Variants in ITPR2 observed in about 807,000 individuals in gnomAD.
ITPR2 encodes inositol 1,4,5-trisphosphate receptor type 2.
Under a neutral mutation model 317.1 loss-of-function variants are expected in ITPR2, and 207 were observed. The observed-to-expected ratio is 0.65, with a 90% CI of 0.58 to 0.73. The LOEUF is 0.73. Among genes scored for constraint, ITPR2 ranks in the 30% least tolerant of loss-of-function variants. The probability of loss-of-function intolerance (pLI) is 0.00; values close to 1 mark genes in which losing one functional copy is unlikely to be tolerated. For synonymous variants in ITPR2, 1,156 were observed against 1,149.1 expected (o/e 1.01, Z -0.12); for missense variants, 2,613 against 3,284.0 (o/e 0.80, Z 4.99).
At chr12:26,568,027 TATATAA>T (rs1380056539) in intron 34 of ITPR2, among the ~76,000 whole-genome samples, 2 of 127,162 alleles carry the variant, frequency 1.6e-5, no homozygotes, top group African/African-American at 6.2e-5. Flanking sequence ...TATATATATA[TATATAA>T]AATGTCAAAA....
chr12:26,684,146 C>T (rs929035208), intron 11 of ITPR2, among the ~76,000 whole-genome samples: 1 of 152,228 alleles, frequency 6.6e-6, no homozygotes, highest in Non-Finnish European at 1.5e-5. Context: ...TCTGTTTTAT[C>T]ACTTGGCATC....
intron 21 of ITPR2, among the ~76,000 whole-genome samples, chr12:26,640,456 A>G (rs1273888373): frequency 6.6e-6 from 1 of 152,208 alleles, no homozygotes; most frequent in Non-Finnish European, 1.5e-5. Context: ...AAAGCATATA[A>G]TTTACATATA....
chr12:26,831,930 TA>T lies in ITPR2; in HGVS notation c.92+759del, dbSNP rs200861304. Among the ~76,000 whole-genome samples the T allele has an allele frequency of 4.0e-4, 59 of 149,158 alleles. No homozygotes were observed. The highest frequency in any genetic ancestry group is 5.4e-4 in the African/African-American group (22 of 40,764). ...ATACATATATGTGTATATATATATA[TA>T]TTTTTCCCCCCATTCAACTCGAATC... On this transcript the variant is annotated intron_variant, in intron 1 of 56. Coordinates refer to ENST00000381340, the MANE Select transcript of ITPR2 (RefSeq NM_002223.4). The surrounding 1 kb of genome is among the most constrained non-coding windows in gnomAD (Gnocchi z 4.9).
At chr12:26,769,027 C>CACACACACT (rs55797555) in intron 2 of ITPR2, among the ~76,000 whole-genome samples, 1 of 112,316 alleles carries the variant, frequency 8.9e-6, no homozygotes, top group Non-Finnish European at 1.7e-5. Context: ...ACACACACAC[C>CACACACACT]CCAATCTCAG....
chr12:26,632,429 CA>C (rs1946776112), intron 21 of ITPR2, among the ~76,000 whole-genome samples: 1 of 152,122 alleles, frequency 6.6e-6, no homozygotes, highest in African/African-American at 2.4e-5. Context: ...TACTAATCGC[CA>C]AGATAAAGTG....
chr12:26,796,827 C>T (rs146612787), intron 1 of ITPR2, among the ~76,000 whole-genome samples: 1 of 151,818 alleles, frequency 6.6e-6, no homozygotes, highest in East Asian at 1.9e-4. Context: ...GTCAGGAGTT[C>T]GAGACCAGTC....
intron 55 of ITPR2, among the ~76,000 whole-genome samples, chr12:26,378,649 T>A (rs1251697178): frequency 6.6e-6 from 1 of 152,208 alleles, no homozygotes; most frequent in Non-Finnish European, 1.5e-5. Context: ...CTAGTTATAG[T>A]GTGGTCCTGG....
intron 37 of ITPR2, among the ~76,000 whole-genome samples, chr12:26,518,740 T>C (rs1382959841): frequency 1.3e-5 from 2 of 152,070 alleles, no homozygotes; most frequent in Non-Finnish European, 1.5e-5. Context: ...TTTTTAAAAT[T>C]TAACAATTTT....
At chr12:26,758,098 C>T (rs896913301) in intron 2 of ITPR2, among the ~76,000 whole-genome samples, 68 of 152,292 alleles carry the variant, frequency 4.5e-4, no homozygotes, top group African/African-American at 1.6e-3. Context: ...CTCCATGTAG[C>T]TTCTCCTGTC....
At chr12:26,601,804 T>C (rs74953031) in intron 28 of ITPR2, among the ~76,000 whole-genome samples, 1,555 of 152,208 alleles carry the variant, frequency 0.01, 29 homozygotes, top group African/African-American at 0.036. Context: ...CCTCAATCAA[T>C]TGATCAAAGT....
rs1345203879 is a variant in ITPR2 at position 26,580,042 on chromosome 12, A to G, written c.4494T>C (p.Asn1498=). ...TTTAACTTACCTGGAGGCTGGTACT[A>G]TTGTCTGAAAAGGGAGAATTAAAGA... ...SGFFNSPFSD[N]STSLQTHQPV... Residue 1498 remains asparagine, a synonymous_variant, in exon 33 of 57, where the codon AAT becomes AAC. Transcript: ENST00000381340. 4 of 1,611,860 alleles carry G rather than the reference A, an allele frequency of 2.5e-6. No individual in the cohort carries two copies. In the South Asian group the frequency reaches 4.4e-5, roughly 18 times the overall value.
chr12:26,596,646 CAAAAAAA>C, intron 31 of ITPR2, among the ~76,000 whole-genome samples: 1 of 87,400 alleles, frequency 1.1e-5, no homozygotes, highest in South Asian at 3.9e-4. Context: ...AACTCTGTCT[CAAAAAAA>C]AAAAAAAAAA....
chr12:26,544,652 A>C (rs1944347404), intron 37 of ITPR2, among the ~76,000 whole-genome samples: 1 of 119,440 alleles, frequency 8.4e-6, no homozygotes, highest in South Asian at 2.4e-4. Flanking sequence ...GTCAGGAACC[A>C]AGGAAATAAA....
Position 26,415,484 on chromosome 12 carries a change from C to T in ITPR2, c.7125G>A (p.Val2375=), listed in dbSNP as rs771275366. The T allele has an allele frequency of 5.8e-6, 9 of 1,561,648 alleles. No individual in the cohort carries two copies. In the Admixed American group the frequency reaches 1.6e-4, roughly 27 times the overall value. Residue 2375 remains valine (V), a synonymous_variant, in exon 51 of 57, where the codon GTG becomes GTA. Coordinates refer to ENST00000381340, the MANE Select transcript of ITPR2 (RefSeq NM_002223.4). ...FFYSFLLFDL[V]YREETLLNVI... ...CATTCAGCAAAGTCTCTTCCCTGTA[C>T]ACCAAATCAAAAAGCTACAAAGATA...
chr12:26,489,677 G>A (rs1411634815), intron 39 of ITPR2, among the ~76,000 whole-genome samples: 1 of 152,150 alleles, frequency 6.6e-6, no homozygotes, highest in East Asian at 1.9e-4. Context: ...ATTTGAAATT[G>A]TAATATAAGT....
chr12:26,770,237 G>A (rs1476724420), intron 2 of ITPR2, among the ~76,000 whole-genome samples: 4 of 152,176 alleles, frequency 2.6e-5, no homozygotes, highest in African/African-American at 9.7e-5. Flanking sequence ...TTCCCACACA[G>A]GCAGCCTTAG....
Position 26,360,722 on chromosome 12 carries a change from C to T in ITPR2, c.7858-20394G>A, listed in dbSNP as rs551142802. Among the ~76,000 whole-genome samples, 39 of 152,310 alleles carry T rather than the reference C, an allele frequency of 2.6e-4. 1 individual carries two copies. Among genetic ancestry groups the T allele is most frequent in the Admixed American group, 1.2e-3 (18 of 15,292 alleles). On this transcript the variant is annotated intron_variant, in intron 55 of 56. Coordinates refer to ENST00000381340, the MANE Select transcript of ITPR2 (RefSeq NM_002223.4). Reference sequence around the variant, plus strand: ...TTGTTGAACTCAAATTTATCCCTAGCTCTTCAATAGATGTTCTGTTACTTC... The same window carrying T: ...TTGTTGAACTCAAATTTATCCCTAGTTCTTCAATAGATGTTCTGTTACTTC...
At chr12:26,481,090 A>G in intron 43 of ITPR2, 41 bp downstream of exon 43, 1 of 1,146,312 alleles carries the variant, frequency 8.7e-7, no homozygotes. Flanking sequence ...TGTACTATAG[A>G]GACTGTAGCT....
Position 26,621,148 on chromosome 12 carries a change from A to C in ITPR2, c.3437T>G (p.Val1146Gly). Residue 1146 changes from valine to glycine, a missense_variant, in exon 26 of 57, where the codon GTG becomes GGG. Val to Gly is a moderately radical substitution (Grantham distance 109). Around this residue, in one of 9 missense-constraint regions of ITPR2, gnomAD observed 817 missense variants for 897.6 expected, o/e 0.91. Transcript: ENST00000381340. The part of the protein sequence containing the change: ...YENGEIGESQ[V>G]KGGEEPIEES... ...CTCAATTGGCTCTTCACCACCTTTCACTTGACTTTCCCCTATTTCTCCATT... is the reference window on the plus strand; with the variant it reads ...CTCAATTGGCTCTTCACCACCTTTCCCTTGACTTTCCCCTATTTCTCCATT... 1 of 1,613,454 alleles carries C rather than the reference A, an allele frequency of 6.2e-7. No homozygotes were observed. Among genetic ancestry groups the C allele is most frequent in the Non-Finnish European group, 8.5e-7 (1 of 1,179,682 alleles).
Sources: gnomAD v4.1 joint callset for allele counts (sites outside exome capture counted in the v4.1 genomes callset) on GRCh38, gnomAD v4.1.1 for gene constraint, gnomAD v4.1.1 regional missense constraint, Gnocchi (gnomAD v3.1) non-coding constraint, MANE v1.5 for transcripts, NCBI Gene and HGNC (gene_info 2026-07-23, HGNC 2026-07-21) for gene names.